The following SERINC5 variants were observed in gnomAD, a reference collection of about 807,000 sequenced individuals.
SERINC5 encodes the protein chromosome 5 open reading frame 12.
Under a neutral mutation model 63.1 loss-of-function variants are expected in SERINC5, and 41 were observed. The observed-to-expected ratio is 0.65, with a 90% CI of 0.51 to 0.84. SERINC5 has a LOEUF of 0.84. Among genes scored for constraint, SERINC5 ranks in the 40% least tolerant of loss-of-function variants. The pLI is 0.00. For missense variants in SERINC5, 523 were observed against 573.0 expected (o/e 0.91, Z 0.89); for synonymous variants, 222 against 215.2 (o/e 1.03, Z -0.28).
intron 1 of SERINC5, among the ~76,000 whole-genome samples, chr5:80,252,029 A>G (rs1752448597): frequency 6.7e-6 from 1 of 150,218 alleles, no homozygotes; most frequent in African/African-American, 2.5e-5. Context: ...CCGCTCTGAC[A>G]GTGAGCACTG....
intron 12 of SERINC5, among the ~76,000 whole-genome samples, chr5:80,112,093 G>T: frequency 6.6e-6 from 1 of 152,212 alleles, no homozygotes; most frequent in Non-Finnish European, 1.5e-5. Flanking sequence ...ATGTCCTCAT[G>T]GGATGGGAAA....
chr5:80,158,802 G>C, intron 8 of SERINC5, 34 bp downstream of exon 8: 1 of 1,598,108 alleles, frequency 6.3e-7, no homozygotes, highest in Non-Finnish European at 8.5e-7. Flanking sequence ...TTTAAAGTCT[G>C]CAAAAGTGAC....
At chr5:80,155,812 T>C (rs576926044) in intron 8 of SERINC5, among the ~76,000 whole-genome samples, 29 of 152,222 alleles carry the variant, frequency 1.9e-4, no homozygotes, top group African/African-American at 6.3e-4. Context: ...AGGGCTTACA[T>C]GGGGTCCAAG....
intron 2 of SERINC5, among the ~76,000 whole-genome samples, chr5:80,187,230 A>G (rs1303487230): frequency 2.0e-5 from 3 of 152,310 alleles, no homozygotes; most frequent in African/African-American, 7.2e-5. Context: ...CATTATATTA[A>G]TATCAAATTT....
chr5:80,147,416 GC>G, intron 9 of SERINC5, 132 bp from the exon 10 acceptor site: 1 of 928,360 alleles, frequency 1.1e-6, no homozygotes, highest in Non-Finnish European at 1.7e-6. Context: ...TCCCAGGTGT[GC>G]TGGGTGTTGG....
chr5:80,129,472 T>TC (rs1443112063), intron 11 of SERINC5, among the ~76,000 whole-genome samples: 2 of 152,048 alleles, frequency 1.3e-5, no homozygotes, highest in Non-Finnish European at 2.9e-5. Flanking sequence ...CCTGGATAAG[T>TC]TTTAAAACAA....
rs10072008 is a variant in SERINC5 at position 80,139,860 on chromosome 5, C to G, written c.*3803G>C. 2.0e-6 allele frequency: 2 copies of G among 985,198 alleles called. No individual in the cohort carries two copies. The highest frequency in any genetic ancestry group is 2.4e-6 in the Non-Finnish European group (2 of 829,898). 61.0% of individuals were successfully genotyped at this position (985,198 alleles called of 1,614,324 possible). On this transcript the variant is annotated 3_prime_UTR_variant, in exon 12 of 12. Coordinates refer to ENST00000507668, the MANE Select transcript of SERINC5 (RefSeq NM_001174072.3). ...TCCCTTCTTAGTTGTAGGTTGGGCC[C>G]TCTTTCGTTTCCAAGAGGTATAGGA...
At chr5:80,112,766 A>G (rs1315068025) in intron 12 of SERINC5, among the ~76,000 whole-genome samples, 1 of 151,950 alleles carries the variant, frequency 6.6e-6, no homozygotes, top group Non-Finnish European at 1.5e-5. Flanking sequence ...GGGCAACATA[A>G]TGAGACCTCA....
chr5:80,224,505 G>A (rs750893502), intron 1 of SERINC5, among the ~76,000 whole-genome samples: 2 of 152,140 alleles, frequency 1.3e-5, no homozygotes. Context: ...CATGTTTGAT[G>A]AGCCACCATG....
At chr5:80,221,668 A>G (rs767240501) in intron 1 of SERINC5, among the ~76,000 whole-genome samples, 4 of 152,164 alleles carry the variant, frequency 2.6e-5, no homozygotes, top group Non-Finnish European at 4.4e-5. Context: ...TTTAATAGGT[A>G]AAGAATCAAA....
chr5:80,235,697 A>G (rs1343215202), intron 1 of SERINC5, among the ~76,000 whole-genome samples: 1 of 152,164 alleles, frequency 6.6e-6, no homozygotes, highest in Non-Finnish European at 1.5e-5. Context: ...CTTGGGTTCA[A>G]GCAATTCTCG....
At chr5:80,204,648 G>A (rs1347300195) in intron 1 of SERINC5, among the ~76,000 whole-genome samples, 2 of 152,130 alleles carry the variant, frequency 1.3e-5, no homozygotes, top group Admixed American at 6.6e-5. Context: ...TATTATAATC[G>A]TGACTCTCAG....
intron 2 of SERINC5, among the ~76,000 whole-genome samples, chr5:80,195,830 T>C (rs551972920): frequency 4.2e-4 from 64 of 152,314 alleles, no homozygotes; most frequent in African/African-American, 1.4e-3. Context: ...AGCCACTGTA[T>C]TCACCTACAG....
At chr5:80,111,370 A>G (rs61127997), downstream of SERINC5, among the ~76,000 whole-genome samples, 1 of 152,136 alleles carries the variant, frequency 6.6e-6, no homozygotes, top group Non-Finnish European at 1.5e-5. Context: ...GTCTTACAGA[A>G]GTAAAACAGG....
intron 9 of SERINC5, among the ~76,000 whole-genome samples, chr5:80,150,602 A>G (rs1580067845): frequency 6.6e-6 from 1 of 152,038 alleles, no homozygotes; most frequent in South Asian, 2.1e-4. Flanking sequence ...TGCCTGGCTA[A>G]TTTTTGTATT....
At position 80,139,623 on chromosome 5, in the gene SERINC5, ATC is replaced by A. The variant is rs1377308830; in HGVS notation, c.*4038_*4039del. On this transcript the variant is annotated 3_prime_UTR_variant, in exon 12 of 12. Coordinates refer to ENST00000507668, the MANE Select transcript of SERINC5 (RefSeq NM_001174072.3). ...GAGAGAGAGAGAGAAAGGTCTAAAC[ATC>A]TGTGTGAACAGCTCTCCAGTACTGT... The A allele has an allele frequency of 1.0e-6, 1 of 985,274 alleles. No homozygotes were observed. The highest frequency in any genetic ancestry group is 1.2e-6 in the Non-Finnish European group (1 of 829,878). The allele number at this position is 985,274 out of a possible 1,614,324, so 61.0% of individuals were successfully genotyped here.
At chr5:80,239,402 G>T (rs1227379782) in intron 1 of SERINC5, among the ~76,000 whole-genome samples, 1 of 9,348 alleles carries the variant, frequency 1.1e-4, no homozygotes, top group Non-Finnish European at 2.0e-4. Flanking sequence ...CATACCCAGA[G>T]GCACAATCCC....
At chr5:80,213,443 C>T (rs1414048265) in intron 1 of SERINC5, among the ~76,000 whole-genome samples, 3 of 152,150 alleles carry the variant, frequency 2.0e-5, no homozygotes, top group Non-Finnish European at 2.9e-5. Context: ...CCCGCAAGTA[C>T]TAGACTTAAT....
At chr5:80,225,646 A>T (rs1320818039) in intron 1 of SERINC5, among the ~76,000 whole-genome samples, 1 of 152,218 alleles carries the variant, frequency 6.6e-6, no homozygotes, top group Admixed American at 6.5e-5. Flanking sequence ...GCAACACCCG[A>T]AAAGACAAAG....
Sources: gnomAD v4.1 joint callset for allele counts (sites outside exome capture counted in the v4.1 genomes callset) on GRCh38, gnomAD v4.1.1 for gene constraint, MANE v1.5 for transcripts, NCBI Gene and HGNC (gene_info 2026-07-23, HGNC 2026-07-21) for gene names.